The following ATP13A4 variants were observed in gnomAD, a reference collection of about 807,000 sequenced individuals.
ATP13A4 encodes ATPase 13A4, also known as probable cation-transporting ATPase 13A4.
A neutral mutation model predicts 142.5 loss-of-function variants in ATP13A4; 114 were observed. The ratio of observed to expected loss-of-function variants is 0.80; its 90% CI spans 0.69 to 0.93. The LOEUF (loss-of-function observed/expected upper bound fraction) is 0.93, where lower values mean the gene tolerates loss of function less well. Among genes scored for constraint, ATP13A4 ranks in the 40% least tolerant of loss-of-function variants. The pLI, the probability that ATP13A4 is intolerant of heterozygous loss-of-function variation, is 0.00. For synonymous variants in ATP13A4, 488 were observed against 514.8 expected, an observed-to-expected ratio of 0.95 and a Z score of 0.70; for missense variants, 1,392 against 1,454.0, an observed-to-expected ratio of 0.96 and a Z score of 0.69.
At chr3:193,425,387 T>C (rs1715606053) in intron 25 of ATP13A4, among the ~76,000 whole-genome samples, 1 of 151,716 alleles carries the variant, frequency 6.6e-6, no homozygotes, top group African/African-American at 2.4e-5. Flanking sequence ...ATAACATCAG[T>C]ATGTCAAAGA....
chr3:193,528,031 C>T lies in ATP13A4; in HGVS notation c.61-13160G>A, dbSNP rs145506352. 8.5e-5 allele frequency among the ~76,000 whole-genome samples: 13 copies of T among 152,330 alleles called. No homozygotes were observed. In the East Asian group the frequency reaches 2.5e-3, roughly 29 times the overall value. Reference sequence around the variant, plus strand: ...AACTCTCGTCCGTTGAGATGCCTGCCTTCACTTCAAAGCTGTCCATGTAGT... The same window carrying T: ...AACTCTCGTCCGTTGAGATGCCTGCTTTCACTTCAAAGCTGTCCATGTAGT... On this transcript the variant is annotated intron_variant, in intron 1 of 29. Transcript: ENST00000342695.
intron 2 of ATP13A4, among the ~76,000 whole-genome samples, chr3:193,575,121 T>C (rs1022874271): frequency 2.6e-5 from 4 of 152,168 alleles, no homozygotes; most frequent in Admixed American, 6.5e-5. Flanking sequence ...GGATATACCA[T>C]TTGAAGAGAG....
chr3:193,485,075 A>G (rs1719525303), intron 7 of ATP13A4, among the ~76,000 whole-genome samples: 1 of 151,866 alleles, frequency 6.6e-6, no homozygotes, highest in Non-Finnish European at 1.5e-5. Flanking sequence ...GGTTCGAAAA[A>G]AAGACTATGT....
At chr3:193,530,572 G>A (rs1046849468) in intron 1 of ATP13A4, among the ~76,000 whole-genome samples, 8 of 152,030 alleles carry the variant, frequency 5.3e-5, no homozygotes, top group Admixed American at 2.6e-4. Context: ...TAATACTACC[G>A]CCTTATTGGT....
intron 2 of ATP13A4, among the ~76,000 whole-genome samples, chr3:193,578,365 T>C (rs1318779167): frequency 1.3e-5 from 2 of 148,850 alleles, no homozygotes; most frequent in Non-Finnish European, 3.0e-5. Flanking sequence ...CTATTGCATT[T>C]ATTTAAATAG....
intron 3 of ATP13A4, among the ~76,000 whole-genome samples, chr3:193,500,993 A>T (rs1249608342): frequency 6.6e-6 from 1 of 152,210 alleles, no homozygotes; most frequent in Non-Finnish European, 1.5e-5. Context: ...AGAGGCAGTA[A>T]CTAACCAAAC....
At chr3:193,451,836 C>T (rs961318016) in intron 17 of ATP13A4, among the ~76,000 whole-genome samples, 2 of 152,128 alleles carry the variant, frequency 1.3e-5, no homozygotes, top group Non-Finnish European at 2.9e-5. Flanking sequence ...ATGTTCCATC[C>T]TAATCAGGAG....
intron 1 of ATP13A4, among the ~76,000 whole-genome samples, chr3:193,516,797 C>A (rs191849575): frequency 1.4e-5 from 2 of 144,338 alleles, no homozygotes; most frequent in Admixed American, 6.9e-5. Flanking sequence ...TTTTGGGCTA[C>A]GCAGTGAGGG....
At chr3:193,502,464 A>G in intron 3 of ATP13A4, 29 bp downstream of exon 3, 1 of 1,609,168 alleles carries the variant, frequency 6.2e-7, no homozygotes, top group Non-Finnish European at 8.5e-7. Flanking sequence ...AATCTCTCTG[A>G]CATCAGCAGT....
intron 2 of ATP13A4, among the ~76,000 whole-genome samples, chr3:193,567,059 T>TTGCA (rs10637972): frequency 1.3e-5 from 2 of 151,422 alleles, no homozygotes; most frequent in Non-Finnish European, 2.9e-5. Flanking sequence ...TTTATTCAAA[T>TTGCA]TGGGTACAAA....
At chr3:193,445,840 C>T (rs1279451718) in intron 18 of ATP13A4, among the ~76,000 whole-genome samples, 3 of 151,808 alleles carry the variant, frequency 2.0e-5, no homozygotes, top group Admixed American at 6.6e-5. Context: ...AAGAACTGAA[C>T]GATTCAACTT....
chr3:193,537,345 T>C (rs1375985937), intron 1 of ATP13A4, among the ~76,000 whole-genome samples: 1 of 152,014 alleles, frequency 6.6e-6, no homozygotes, highest in Non-Finnish European at 1.5e-5. Context: ...AAAAATAGAA[T>C]TTTCAACAAA....
chr3:193,535,504 C>T (rs1024846766), intron 1 of ATP13A4, among the ~76,000 whole-genome samples: 3 of 151,780 alleles, frequency 2.0e-5, no homozygotes, highest in Non-Finnish European at 4.4e-5. Context: ...AACAAAGGCA[C>T]GGTATATCAA....
intron 22 of ATP13A4, 47 bp downstream of exon 22, chr3:193,438,976 T>A: frequency 6.5e-7 from 1 of 1,548,178 alleles, no homozygotes; most frequent in Non-Finnish European, 8.9e-7. Flanking sequence ...AGGGCTTAAG[T>A]GTAATCGAAT....
At chr3:193,519,626 A>AT (rs147173408) in intron 1 of ATP13A4, among the ~76,000 whole-genome samples, 1,880 of 69,024 alleles carry the variant, frequency 0.027, 159 homozygotes, top group East Asian at 0.071. Context: ...GCAATTTGTA[A>AT]TTTTTTTTTT....
At chr3:193,506,231 A>T (rs892229820) in intron 2 of ATP13A4, among the ~76,000 whole-genome samples, 1 of 152,220 alleles carries the variant, frequency 6.6e-6, no homozygotes, top group Non-Finnish European at 1.5e-5. Context: ...TGATTTGTAA[A>T]ATACTTAAAT....
intron 1 of ATP13A4, among the ~76,000 whole-genome samples, chr3:193,582,167 T>C (rs35375721): frequency 1.6e-5 from 2 of 127,174 alleles, no homozygotes; most frequent in Non-Finnish European, 3.3e-5. Flanking sequence ...TTTTTTTTTT[T>C]GGCGGAGTTT....
chr3:193,422,198 A>G (rs1001862414), intron 25 of ATP13A4, among the ~76,000 whole-genome samples: 3 of 150,050 alleles, frequency 2.0e-5, no homozygotes, highest in Non-Finnish European at 3.0e-5. Flanking sequence ...ACAAGAGACA[A>G]TGCATCCAAC....
intron 7 of ATP13A4, among the ~76,000 whole-genome samples, chr3:193,485,476 A>T (rs1719555106): frequency 6.6e-6 from 1 of 152,200 alleles, no homozygotes. Flanking sequence ...ATTCTCGCAC[A>T]AGTGTACAGT....
Sources: allele counts gnomAD v4.1 joint callset (sites outside exome capture counted in the v4.1 genomes callset), GRCh38; gene constraint gnomAD v4.1.1; transcripts MANE v1.5; gene names NCBI Gene and HGNC (gene_info 2026-07-23, HGNC 2026-07-21).